Variants in FBXL2 observed in about 807,000 individuals in gnomAD.
FBXL2 encodes the protein F-box/LRR-repeat protein 2.
Under a neutral mutation model 69.2 loss-of-function variants are expected in FBXL2, and 38 were observed. That is an observed-to-expected ratio of 0.55 (90% confidence interval 0.42 to 0.72). The LOEUF (loss-of-function observed/expected upper bound fraction) is 0.72, where lower values mean the gene tolerates loss of function less well. Ranked by LOEUF, FBXL2 falls within the 30% of genes least tolerant of loss-of-function variation. The pLI is 0.00. For synonymous variants in FBXL2, 192 were observed against 201.3 expected, an observed-to-expected ratio of 0.95 and a Z score of 0.39; for missense variants, 354 against 520.3, an observed-to-expected ratio of 0.68 and a Z score of 3.11.
At chr3:33,315,225 CTTTT>C (rs201946493) in intron 2 of FBXL2, among the ~76,000 whole-genome samples, 2 of 149,882 alleles carry the variant, frequency 1.3e-5, no homozygotes, top group Admixed American at 6.7e-5. Flanking sequence ...CTTTCCTTTC[CTTTT>C]TTTTCTTTCT....
At chr3:33,344,618 T>C (rs2040300446) in intron 2 of FBXL2, among the ~76,000 whole-genome samples, 3 of 152,078 alleles carry the variant, frequency 2.0e-5, no homozygotes, top group Admixed American at 2.0e-4. Flanking sequence ...AATTATACAC[T>C]ATTAAAAGAA....
At chr3:33,284,467 T>C (rs1254098188) in intron 1 of FBXL2, among the ~76,000 whole-genome samples, 2 of 152,162 alleles carry the variant, frequency 1.3e-5, no homozygotes, top group African/African-American at 4.8e-5. Context: ...TTACTTCAAC[T>C]ATGTGGTCAA....
chr3:33,415,136 C>T, the FBXL2 span, among the ~76,000 whole-genome samples: 3 of 152,168 alleles, frequency 2.0e-5, no homozygotes, highest in Non-Finnish European at 4.4e-5. Context: ...GTATTTTAAC[C>T]AGCTTGCCAA....
rs1575564597 is a variant in FBXL2 at position 33,277,491 on chromosome 3, G to A, written c.-22G>A. ...GGCGCCGTGTGACTTCGGGCTGTGG[G>A]CTCGCTCGCGGCTCTTCGGCCATGG... On this transcript the variant is annotated 5_prime_UTR_variant, in exon 1 of 15. Transcript: ENST00000484457. The A allele has an allele frequency of 2.3e-6, 3 of 1,295,146 alleles. No individual in the cohort carries two copies. The highest frequency in any genetic ancestry group is 2.9e-5 in the South Asian group (1 of 34,910). 80.2% of individuals were successfully genotyped at this position (1,295,146 alleles called of 1,614,324 possible).
rs1051529109 is a variant in FBXL2, at chr3:33,360,683, T to C, written c.195+1326T>C. On this transcript the variant is annotated intron_variant, in intron 4 of 14. Coordinates refer to ENST00000484457, the MANE Select transcript of FBXL2 (RefSeq NM_012157.5). Reference sequence around the variant, plus strand: ...CATGCCAGCATTCCATGCCAGTGAATATAATTGCCCTTCAAACTGATCATA... The same window carrying C: ...CATGCCAGCATTCCATGCCAGTGAACATAATTGCCCTTCAAACTGATCATA... Among the ~76,000 whole-genome samples the C allele has an allele frequency of 2.6e-5, 4 of 152,280 alleles. No individual in the cohort carries two copies. The South Asian group carries it at 6.2e-4, about 24-fold the overall frequency.
chr3:33,336,437 A>T (rs2039583132), intron 2 of FBXL2, among the ~76,000 whole-genome samples: 1 of 152,234 alleles, frequency 6.6e-6, no homozygotes, highest in African/African-American at 2.4e-5. Context: ...TGCAAAGAGT[A>T]ATCTGAAATA....
chr3:33,351,681 T>G (rs61228060), intron 2 of FBXL2, among the ~76,000 whole-genome samples: 38,452 of 152,110 alleles, frequency 0.25, 5,793 homozygotes, highest in East Asian at 0.47. Context: ...ACAAGAACTC[T>G]TATTCATTGT....
intron 2 of FBXL2, among the ~76,000 whole-genome samples, chr3:33,318,803 C>T (rs941236922): frequency 1.3e-5 from 2 of 152,168 alleles, no homozygotes; most frequent in Non-Finnish European, 2.9e-5. Context: ...CAGGGCAATC[C>T]TCCTCTCTGT....
chr3:33,357,093 C>T (rs1171155256), intron 2 of FBXL2, among the ~76,000 whole-genome samples: 1 of 152,184 alleles, frequency 6.6e-6, no homozygotes, highest in African/African-American at 2.4e-5. Context: ...CACAACACCT[C>T]ATAGCAGTGA....
At chr3:33,404,515 A>T (rs61223108), downstream of FBXL2, among the ~76,000 whole-genome samples, 56,990 of 150,890 alleles carry the variant, frequency 0.38, 11,712 homozygotes, top group East Asian at 0.6. Context: ...GGTATGGTGG[A>T]GCACACCTGT....
At chr3:33,341,130 ATGTGC>A (rs1303873801) in intron 2 of FBXL2, among the ~76,000 whole-genome samples, 1 of 152,144 alleles carries the variant, frequency 6.6e-6, no homozygotes, top group Admixed American at 6.5e-5. Context: ...ACCAAATATT[ATGTGC>A]CTCCTGATGA....
intron 2 of FBXL2, among the ~76,000 whole-genome samples, chr3:33,309,401 A>G (rs982911629): frequency 2.6e-4 from 40 of 152,144 alleles, no homozygotes; most frequent in African/African-American, 8.7e-4. Context: ...CTTAAAGTCT[A>G]TTTTATTTGA....
chr3:33,395,723 T>C (rs1575449547), intron 12 of FBXL2, among the ~76,000 whole-genome samples: 1 of 134,652 alleles, frequency 7.4e-6, no homozygotes, highest in Admixed American at 7.9e-5. Context: ...GCTTTAAGAG[T>C]TCTCCCCATA....
chr3:33,360,785 A>T (rs1244493928), intron 4 of FBXL2, among the ~76,000 whole-genome samples: 1 of 152,152 alleles, frequency 6.6e-6, no homozygotes, highest in African/African-American at 2.4e-5. Flanking sequence ...AGTCATTTCT[A>T]CTGACCACAA....
chr3:33,303,758 A>G (rs1047794175), intron 2 of FBXL2, among the ~76,000 whole-genome samples: 6 of 152,116 alleles, frequency 3.9e-5, no homozygotes, highest in Admixed American at 3.9e-4. Context: ...TTATTCTTCA[A>G]TATGCAAAGA....
chr3:33,366,303 G>A (rs182376938), intron 5 of FBXL2, among the ~76,000 whole-genome samples: 1 of 152,238 alleles, frequency 6.6e-6, no homozygotes, highest in African/African-American at 2.4e-5. Flanking sequence ...TTCTTATAAT[G>A]CTTTTGTCTG....
At chr3:33,362,537 G>A (rs1482072347) in intron 4 of FBXL2, among the ~76,000 whole-genome samples, 1 of 152,096 alleles carries the variant, frequency 6.6e-6, no homozygotes, top group African/African-American at 2.4e-5. Flanking sequence ...ATGTAGTTTT[G>A]TATTCCAGTA....
chr3:33,415,830 A>G, the FBXL2 span, among the ~76,000 whole-genome samples: 1 of 152,048 alleles, frequency 6.6e-6, no homozygotes, highest in Non-Finnish European at 1.5e-5. Context: ...TGTTCTGCAC[A>G]TTCAAGAAGT....
intron 2 of FBXL2, among the ~76,000 whole-genome samples, chr3:33,345,165 T>G (rs1366202820): frequency 1.3e-5 from 2 of 152,234 alleles, no homozygotes; most frequent in Non-Finnish European, 2.9e-5. Flanking sequence ...GAATTCAAAG[T>G]GTGAGCATGG....
Sources: gnomAD v4.1 joint callset for allele counts (sites outside exome capture counted in the v4.1 genomes callset) on GRCh38, gnomAD v4.1.1 for gene constraint, MANE v1.5 for transcripts, NCBI Gene and HGNC (gene_info 2026-07-23, HGNC 2026-07-21) for gene names.